Variants in PRKD1 observed in about 807,000 individuals in gnomAD.
The protein encoded by PRKD1 is protein kinase D1, also known as serine/threonine-protein kinase D1.
A neutral mutation model predicts 95.9 loss-of-function variants in PRKD1; 63 were observed. The ratio of observed to expected loss-of-function variants is 0.66; its 90% confidence interval spans 0.54 to 0.81. PRKD1 has a LOEUF of 0.81. PRKD1 is among the 30% of genes least tolerant of loss of function. The pLI, the probability that PRKD1 is intolerant of heterozygous loss-of-function variation, is 0.00. For missense variants in PRKD1, 1,048 were observed against 1,165.3 expected (o/e 0.90, Z 1.47); for synonymous variants, 425 against 423.1 (o/e 1.00, Z -0.05).
At chr14:29,827,965 C>T (rs1019556516) in intron 1 of PRKD1, among the ~76,000 whole-genome samples, 3 of 152,044 alleles carry the variant, frequency 2.0e-5, no homozygotes, top group Non-Finnish European at 4.4e-5. Flanking sequence ...ACCTGCTTTT[C>T]CTTGGCCTCC....
intron 1 of PRKD1, among the ~76,000 whole-genome samples, chr14:29,811,667 G>A (rs1000246371): frequency 2.0e-5 from 3 of 152,210 alleles, no homozygotes; most frequent in African/African-American, 7.2e-5. Flanking sequence ...GGGAAGAAGA[G>A]GCCAGGTTGG....
chr14:29,624,199 G>T lies in PRKD1; in HGVS notation c.1858C>A (p.Pro620Thr), dbSNP rs749484989. 6.2e-7 allele frequency: 1 copy of T among 1,604,946 alleles called. No individual in the cohort carries two copies. Among genetic ancestry groups the T allele is most frequent in the South Asian group, 1.1e-5 (1 of 89,730 alleles). The change falls in exon 13 of 18, where the codon CCA becomes ACA. Residue 620 changes from proline to threonine, a missense_variant. Pro to Thr is a conservative substitution (Grantham distance 38). Around this residue, in one of 3 missense-constraint regions of PRKD1, gnomAD observed 739 missense variants for 861.9 expected, o/e 0.86. Transcript: ENST00000331968. ...AIKIIDKLRF[P>T]TKQESQLRNE... ...CGAAGCTGGCTTTCTTGTTTTGTTG[G>T]AAATCGTAATTTGTCAATGATTTTA...
chr14:29,782,449 A>G (rs73259562), intron 1 of PRKD1, among the ~76,000 whole-genome samples: 6,246 of 152,316 alleles, frequency 0.041, 211 homozygotes, highest in African/African-American at 0.089. Context: ...CTATGAGTCT[A>G]AACTTTGAAC....
chr14:29,898,577 A>C (rs1362495224), intron 1 of PRKD1, among the ~76,000 whole-genome samples: 1 of 151,706 alleles, frequency 6.6e-6, no homozygotes, highest in East Asian at 1.9e-4. Context: ...TTACTTAGCT[A>C]TTAGACTTCT....
intron 2 of PRKD1, among the ~76,000 whole-genome samples, chr14:29,676,457 C>A (rs1002708532): frequency 1.3e-5 from 2 of 152,056 alleles, no homozygotes; most frequent in Non-Finnish European, 2.9e-5. Context: ...CAGGTTCAAG[C>A]GATTCTCCCG....
chr14:29,794,689 C>T (rs940770413), intron 1 of PRKD1, among the ~76,000 whole-genome samples: 2 of 152,000 alleles, frequency 1.3e-5, no homozygotes, highest in Admixed American at 1.3e-4. Flanking sequence ...CCTTCCCTCC[C>T]CTCTTATAAT....
At chr14:29,922,285 A>G (rs372833766) in intron 1 of PRKD1, among the ~76,000 whole-genome samples, 14 of 148,892 alleles carry the variant, frequency 9.4e-5, no homozygotes, top group African/African-American at 3.5e-4. Flanking sequence ...TGGGCAACAG[A>G]GCGAGACTCC....
chr14:29,710,264 T>A (rs1376480211), intron 2 of PRKD1, among the ~76,000 whole-genome samples: 1 of 152,016 alleles, frequency 6.6e-6, no homozygotes, highest in Non-Finnish European at 1.5e-5. Flanking sequence ...GTGACAGAGT[T>A]GGGCAAAGGA....
At chr14:29,831,616 G>T (rs1005292760) in intron 1 of PRKD1, among the ~76,000 whole-genome samples, 1 of 151,954 alleles carries the variant, frequency 6.6e-6, no homozygotes, top group African/African-American at 2.4e-5. Context: ...TTACAGGCAT[G>T]TGCCACCACA....
intron 1 of PRKD1, among the ~76,000 whole-genome samples, chr14:29,872,209 G>A (rs1257312021): frequency 6.6e-6 from 1 of 152,074 alleles, no homozygotes; most frequent in African/African-American, 2.4e-5. Context: ...TTCAGGAGAG[G>A]AAATTCAAGC....
intron 1 of PRKD1, among the ~76,000 whole-genome samples, chr14:29,837,518 C>G (rs776320808): frequency 6.6e-6 from 1 of 152,050 alleles, no homozygotes; most frequent in Non-Finnish European, 1.5e-5. Context: ...TCTTGAGTAA[C>G]TAAAAACCTA....
At chr14:29,693,423 A>G (rs1884342979) in intron 2 of PRKD1, among the ~76,000 whole-genome samples, 1 of 152,038 alleles carries the variant, frequency 6.6e-6, no homozygotes, top group African/African-American at 2.4e-5. Context: ...CATTATAACA[A>G]ATACAAATCC....
intron 1 of PRKD1, among the ~76,000 whole-genome samples, chr14:29,849,536 A>C (rs141204020): frequency 6.6e-6 from 1 of 152,060 alleles, no homozygotes; most frequent in African/African-American, 2.4e-5. Flanking sequence ...CATGAGTTAA[A>C]AAACTGAATC....
intron 1 of PRKD1, among the ~76,000 whole-genome samples, chr14:29,784,083 T>C (rs1889164063): frequency 6.6e-6 from 1 of 152,224 alleles, no homozygotes; most frequent in African/African-American, 2.4e-5. Flanking sequence ...TGTTTTCTTC[T>C]AGCGGTTTTA....
intron 1 of PRKD1, among the ~76,000 whole-genome samples, chr14:29,763,201 T>C (rs1269112417): frequency 7.1e-6 from 1 of 141,474 alleles, no homozygotes; most frequent in Non-Finnish European, 1.5e-5. Context: ...GAAAGCTGAG[T>C]TGGGGGAAAC....
intron 13 of PRKD1, among the ~76,000 whole-genome samples, chr14:29,605,082 C>T (rs1264164093): frequency 1.3e-5 from 2 of 152,096 alleles, no homozygotes; most frequent in Admixed American, 6.6e-5. Flanking sequence ...CACACTGACC[C>T]CTTACCTTCA....
intron 16 of PRKD1, among the ~76,000 whole-genome samples, chr14:29,585,637 T>A (rs1270752071): frequency 6.6e-6 from 1 of 152,234 alleles, no homozygotes; most frequent in Non-Finnish European, 1.5e-5. Flanking sequence ...ATATGGTTTG[T>A]ATATTTTGGC....
intron 4 of PRKD1, among the ~76,000 whole-genome samples, chr14:29,643,524 ATTTG>A (rs1880934717): frequency 6.6e-6 from 1 of 152,178 alleles, no homozygotes; most frequent in Admixed American, 6.5e-5. Context: ...TAGAGACTGA[ATTTG>A]TTTTTTAACC....
intron 14 of PRKD1, 76 bp from the exon 15 acceptor site, chr14:29,599,201 A>C (rs1893420861): frequency 8.1e-7 from 1 of 1,242,004 alleles, no homozygotes; most frequent in African/African-American, 1.5e-5. Context: ...AAAGGCCAAG[A>C]AAAAAAACTG....
Sources: gnomAD v4.1 joint callset for allele counts (sites outside exome capture counted in the v4.1 genomes callset) on GRCh38, gnomAD v4.1.1 for gene constraint, gnomAD v4.1.1 regional missense constraint, MANE v1.5 for transcripts, NCBI Gene and HGNC (gene_info 2026-07-23, HGNC 2026-07-21) for gene names.